Variants in PCDHAC1 observed in about 807,000 individuals in gnomAD.
The protein encoded by PCDHAC1 is protocadherin alpha-C1.
Under a neutral mutation model 60.0 loss-of-function variants are expected in PCDHAC1, and 42 were observed. The observed-to-expected ratio is 0.70, with a 90% CI of 0.55 to 0.90. PCDHAC1 has a LOEUF of 0.90. Ranked by LOEUF, PCDHAC1 falls within the 40% of genes least tolerant of loss-of-function variation. The pLI is 0.00. For missense variants in PCDHAC1, 1,160 were observed against 1,222.3 expected (o/e 0.95, Z 0.76); for synonymous variants, 468 against 499.3 (o/e 0.94, Z 0.84).
chr5:140,986,018 C>T (rs943946792), intron 3 of PCDHAC1, among the ~76,000 whole-genome samples: 2 of 152,110 alleles, frequency 1.3e-5, no homozygotes, highest in African/African-American at 2.4e-5. Flanking sequence ...GGATTACAGG[C>T]GTGAGCCACT....
intron 3 of PCDHAC1, among the ~76,000 whole-genome samples, chr5:141,004,974 G>T (rs557503446): frequency 6.6e-6 from 1 of 152,302 alleles, no homozygotes; most frequent in South Asian, 2.1e-4. Context: ...CTGTAAATTT[G>T]CAGTATCATT....
intron 3 of PCDHAC1, among the ~76,000 whole-genome samples, chr5:141,003,288 T>C (rs2098118136): frequency 2.0e-5 from 3 of 152,182 alleles, no homozygotes; most frequent in African/African-American, 7.2e-5. Context: ...AATTGGATTA[T>C]AGGATTACAT....
intron 1 of PCDHAC1, among the ~76,000 whole-genome samples, chr5:140,935,239 A>G (rs1554210410): frequency 1.3e-5 from 2 of 152,172 alleles, no homozygotes. Flanking sequence ...TCTATTTTTT[A>G]AAAGATAAAA....
At chr5:140,985,167 G>C (rs905296036) in intron 3 of PCDHAC1, among the ~76,000 whole-genome samples, 2 of 152,176 alleles carry the variant, frequency 1.3e-5, no homozygotes, top group Admixed American at 1.3e-4. Context: ...TCAATCTCCT[G>C]ACCTCGTAAT....
rs1423958386 is a variant in PCDHAC1 at position 140,927,901 on chromosome 5, GC to G, written c.1014del (p.Glu339AsnfsTer5). The G allele has an allele frequency of 3.1e-6, 5 of 1,614,084 alleles. No individual in the cohort carries two copies. Among genetic ancestry groups the G allele is most frequent in the Non-Finnish European group, 4.2e-6 (5 of 1,180,046 alleles). On this transcript the variant is annotated frameshift_variant, in exon 1 of 4. Coordinates refer to ENST00000253807, the MANE Select transcript of PCDHAC1 (RefSeq NM_018898.5). LOFTEE classifies it high-confidence loss of function. ...GGAGGTGACTGACGTGAACGATCAT[GC>G]CCCCGAACTGGACTTCCTGACTCTT... ...LVEVTDVNDH[A>X]PELDFLTLSN...
At chr5:140,938,210 T>G (rs1355577102) in intron 1 of PCDHAC1, among the ~76,000 whole-genome samples, 2 of 152,140 alleles carry the variant, frequency 1.3e-5, no homozygotes, top group East Asian at 3.8e-4. Flanking sequence ...CCTCCCAAAG[T>G]GCTGGGATTA....
chr5:140,966,945 A>C, intron 1 of PCDHAC1: 1 of 1,603,804 alleles, frequency 6.2e-7, no homozygotes, highest in Non-Finnish European at 8.5e-7. Context: ...CTCGTGGGCA[A>C]CGTGGCTCGC....
At chr5:141,009,462 A>G (rs1279658091) in intron 3 of PCDHAC1, 165 bp from the exon 4 acceptor site, 2 of 954,512 alleles carry the variant, frequency 2.1e-6, no homozygotes, top group Non-Finnish European at 2.5e-6. Flanking sequence ...TAAACAAATA[A>G]ATAAATAAGT....
At chr5:140,988,756 A>G (rs577332845) in intron 3 of PCDHAC1, among the ~76,000 whole-genome samples, 170 of 152,318 alleles carry the variant, frequency 1.1e-3, no homozygotes, top group African/African-American at 4.0e-3. Flanking sequence ...TGGCCTGGGC[A>G]GAATACAGTC....
chr5:140,947,882 T>C (rs1554218353), intron 1 of PCDHAC1, among the ~76,000 whole-genome samples: 1 of 151,580 alleles, frequency 6.6e-6, no homozygotes, highest in Non-Finnish European at 1.5e-5. Context: ...TCCAGGACAA[T>C]ATAAACAGAA....
chr5:141,008,607 C>T (rs782227320), intron 3 of PCDHAC1, among the ~76,000 whole-genome samples: 33 of 152,196 alleles, frequency 2.2e-4, no homozygotes, highest in Non-Finnish European at 3.8e-4. Flanking sequence ...CCTCTGGAAC[C>T]CCATTAACTT....
chr5:141,000,112 C>T (rs1404445521), intron 3 of PCDHAC1, among the ~76,000 whole-genome samples: 1 of 152,128 alleles, frequency 6.6e-6, no homozygotes. Flanking sequence ...CGTCTCTTCC[C>T]TCATCCCCAA....
At chr5:140,960,557 G>A (rs2095556177) in intron 1 of PCDHAC1, among the ~76,000 whole-genome samples, 1 of 152,104 alleles carries the variant, frequency 6.6e-6, no homozygotes. Context: ...TATAGACTGA[G>A]CTTAGGAAAA....
At position 140,926,980 on chromosome 5, in the gene PCDHAC1, A is replaced by T. The variant is rs781916280; in HGVS notation, c.88A>T (p.Thr30Ser). ...GQLEYSVPEE[T>S]ERGVAVGNLS... is the part of the protein sequence containing the mutation. ...GCTCGAGTACTCAGTGCCGGAGGAG[A>T]CGGAGCGGGGCGTAGCCGTAGGCAA... The change falls in exon 1 of 4, where the codon ACG (threonine) becomes TCG (serine). Residue 30 changes from threonine (T) to serine (S), a missense_variant. Around this residue, in one of 3 missense-constraint regions of PCDHAC1, gnomAD observed 43 missense variants for 40.4 expected, o/e 1.06. Transcript: ENST00000253807. The T allele has an allele frequency of 1.9e-6, 3 of 1,610,246 alleles. No individual in the cohort carries two copies. The Admixed American group carries it at 5.0e-5, about 27-fold the overall frequency.
chr5:140,995,102 C>A (rs976806158), intron 3 of PCDHAC1, among the ~76,000 whole-genome samples: 3 of 152,312 alleles, frequency 2.0e-5, no homozygotes, highest in Middle Eastern at 6.8e-3. Context: ...GAGATACATT[C>A]CAAGACCCTC....
Position 140,927,740 on chromosome 5 carries a change from G to A in PCDHAC1, c.848G>A (p.Arg283His), listed in dbSNP as rs782665573. ...SNSTQAELRHRFHVHPKSGEV... is the reference protein window; with the variant it reads ...SNSTQAELRHHFHVHPKSGEV... ...AGCACGCAAGCAGAGCTGCGACACC[G>A]CTTTCACGTGCACCCTAAAAGTGGG... is the stretch of plus-strand genomic sequence containing the variant. Residue 283 changes from arginine (R) to histidine (H), a missense_variant, in exon 1 of 4, where the codon CGC becomes CAC. Transcript: ENST00000253807. The A allele has an allele frequency of 3.1e-6, 5 of 1,614,206 alleles. No homozygotes were observed. The highest frequency in any genetic ancestry group is 1.6e-4 in the Middle Eastern group (1 of 6,062).
intron 1 of PCDHAC1, among the ~76,000 whole-genome samples, chr5:140,975,784 A>T (rs1216156931): frequency 1.3e-5 from 2 of 151,914 alleles, no homozygotes; most frequent in African/African-American, 4.8e-5. Flanking sequence ...CCATTACAAG[A>T]TAAATTAAAT....
At chr5:140,968,909 G>A (rs782304408) in intron 1 of PCDHAC1, 7 of 1,614,172 alleles carry the variant, frequency 4.3e-6, no homozygotes, top group Non-Finnish European at 5.1e-6. Context: ...ATTAAGCACA[G>A]TGTCTTTTAT....
intron 3 of PCDHAC1, among the ~76,000 whole-genome samples, chr5:141,000,496 C>T (rs1257530549): frequency 7.4e-6 from 1 of 134,362 alleles, no homozygotes; most frequent in Non-Finnish European, 1.5e-5. Context: ...GGTAAGATCT[C>T]GGCTCACTGC....
Sources: gnomAD v4.1 joint callset for allele counts (sites outside exome capture counted in the v4.1 genomes callset) on GRCh38, gnomAD v4.1.1 for gene constraint, gnomAD v4.1.1 regional missense constraint, MANE v1.5 for transcripts, NCBI Gene and HGNC (gene_info 2026-07-23, HGNC 2026-07-21) for gene names.